Variants in PDE10A observed in about 807,000 individuals in gnomAD.
PDE10A encodes cAMP and cAMP-inhibited cGMP 3',5'-cyclic phosphodiesterase 10A.
PDE10A carries 39 observed loss-of-function variants against 97.7 expected under a neutral mutation model. The observed-to-expected ratio is 0.40, with a 90% CI of 0.31 to 0.52. PDE10A has a LOEUF of 0.52. Ranked by LOEUF, PDE10A falls within the 20% of genes least tolerant of loss-of-function variation. PDE10A has a pLI of 0.56. For missense variants in PDE10A, 731 were observed against 1,047.8 expected (o/e 0.70, Z 4.17); for synonymous variants, 371 against 376.8 (o/e 0.98, Z 0.18).
chr6:165,334,404 G>A (rs536667109), intron 21 of PDE10A, among the ~76,000 whole-genome samples: 75 of 148,348 alleles, frequency 5.1e-4, no homozygotes, highest in African/African-American at 1.6e-3. Flanking sequence ...CCTCCATAGC[G>A]CCCTACAGCG....
chr6:165,396,035 G>C (rs963253225), intron 14 of PDE10A, among the ~76,000 whole-genome samples: 3 of 152,094 alleles, frequency 2.0e-5, no homozygotes, highest in African/African-American at 4.8e-5. Flanking sequence ...ATATTAAATG[G>C]TATAAAGTAT....
At chr6:165,371,418 T>C (rs1331291199) in intron 18 of PDE10A, among the ~76,000 whole-genome samples, 5 of 152,124 alleles carry the variant, frequency 3.3e-5, no homozygotes, top group Non-Finnish European at 5.9e-5. Flanking sequence ...CCCACAGAAA[T>C]ACAAACTACC....
At chr6:165,709,318 A>C (rs577904135) in intron 1 of PDE10A, among the ~76,000 whole-genome samples, 85 of 31,452 alleles carry the variant, frequency 2.7e-3, no homozygotes, top group South Asian at 4.7e-3. Flanking sequence ...CTCTCCCCCC[A>C]CTCCACCGCT....
In PDE10A at chr6:165,740,107, G is replaced by A. The variant is rs74906139; in HGVS notation, c.-614-196539C>T. Among the ~76,000 whole-genome samples the A allele has an allele frequency of 6.0e-3, 913 of 152,204 alleles. 6 individuals are homozygous for A. The highest frequency in any genetic ancestry group is 0.021 in the African/African-American group (867 of 41,510). ...TATGACCTGGCAATTCTACTGTTGG[G>A]TATACAAATCCGAAGGACATAAAAT... On this transcript the variant is annotated intron_variant, in intron 1 of 19. Transcript: ENST00000366882.
intron 1 of PDE10A, among the ~76,000 whole-genome samples, chr6:165,622,303 T>C (rs1450859215): frequency 6.6e-6 from 1 of 151,346 alleles, no homozygotes; most frequent in African/African-American, 2.5e-5. Flanking sequence ...TGTATGTGCA[T>C]GCGTGTGTGT....
intron 1 of PDE10A, among the ~76,000 whole-genome samples, chr6:165,972,066 G>C (rs926538609): frequency 1.3e-5 from 2 of 152,092 alleles, no homozygotes; most frequent in Non-Finnish European, 2.9e-5. Flanking sequence ...AAAGGTACAC[G>C]CTGTAACAAA....
At position 165,493,218 on chromosome 6, in the gene PDE10A, C is replaced by T. The variant is rs562734514; in HGVS notation, c.995-10875G>A. The stretch of plus-strand genomic sequence containing the variant: ...AACAAATGGAAACACATCCCATGCT[C>T]ATGGATGGGTAGAATCAATACTGTG... On this transcript the variant is annotated intron_variant, in intron 2 of 21. Coordinates refer to ENST00000539869, the MANE Select transcript of PDE10A (RefSeq NM_001385079.1). 6.6e-5 allele frequency among the ~76,000 whole-genome samples: 10 copies of T among 152,294 alleles called. No individual in the cohort carries two copies. In the South Asian group the frequency reaches 1.4e-3, roughly 22 times the overall value.
chr6:165,500,519 TA>T (rs1780807459), intron 2 of PDE10A, among the ~76,000 whole-genome samples: 1 of 152,152 alleles, frequency 6.6e-6, no homozygotes, highest in Non-Finnish European at 1.5e-5. Flanking sequence ...GTATGCTTGT[TA>T]AAAGTCATCA....
At chr6:165,345,929 G>A (rs553326560) in intron 18 of PDE10A, among the ~76,000 whole-genome samples, 2 of 152,248 alleles carry the variant, frequency 1.3e-5, no homozygotes, top group East Asian at 1.9e-4. Context: ...TGGGAGGAAG[G>A]TCCAGCAGAG....
At chr6:165,792,655 T>G (rs1019758027) in intron 1 of PDE10A, among the ~76,000 whole-genome samples, 7 of 152,086 alleles carry the variant, frequency 4.6e-5, no homozygotes, top group African/African-American at 1.7e-4. Context: ...GTGCCTTGAA[T>G]GCGGTCCCGA....
chr6:165,448,900 G>T (rs201870889), intron 5 of PDE10A, 28 bp downstream of exon 5: 12 of 1,477,922 alleles, frequency 8.1e-6, no homozygotes, highest in Non-Finnish European at 1.1e-5. Flanking sequence ...CTTATCTAGA[G>T]CACCAAAATC....
At chr6:165,606,688 T>C (rs828567) in intron 1 of PDE10A, among the ~76,000 whole-genome samples, 46,320 of 151,874 alleles carry the variant, frequency 0.3, 8,120 homozygotes, top group African/African-American at 0.49. Context: ...GTACCAGGTA[T>C]AGCAAGTAGG....
At chr6:165,764,373 G>A (rs1302722650) in intron 1 of PDE10A, among the ~76,000 whole-genome samples, 1 of 152,162 alleles carries the variant, frequency 6.6e-6, no homozygotes, top group Admixed American at 6.5e-5. Context: ...TTAAAAATCT[G>A]TTTGCAAAAA....
At chr6:165,656,389 G>A (rs143586626) in intron 1 of PDE10A, among the ~76,000 whole-genome samples, 1 of 151,180 alleles carries the variant, frequency 6.6e-6, no homozygotes, top group Non-Finnish European at 1.5e-5. Context: ...CCTCCTGCTT[G>A]TATCTCTCCC....
chr6:165,733,194 A>G (rs973834176), intron 1 of PDE10A, among the ~76,000 whole-genome samples: 3 of 152,184 alleles, frequency 2.0e-5, no homozygotes. Flanking sequence ...CTCCCTAGCC[A>G]TGTTCCACCC....
rs186959720 is a variant in PDE10A at position 165,494,374 on chromosome 6, T to C, written c.995-12031A>G. Among the ~76,000 whole-genome samples, 9 of 151,636 alleles carry C rather than the reference T, an allele frequency of 5.9e-5. No individual in the cohort carries two copies. The East Asian group carries it at 1.8e-3, about 30-fold the overall frequency. ...GAAAAAAGATACTTGCACATGCATGTTTATAGCAGCACCATTTACAGTTGC... is the reference window on the plus strand; with the variant it reads ...GAAAAAAGATACTTGCACATGCATGCTTATAGCAGCACCATTTACAGTTGC... On this transcript the variant is annotated intron_variant, in intron 2 of 21. Coordinates refer to ENST00000539869, the MANE Select transcript of PDE10A (RefSeq NM_001385079.1).
intron 6 of PDE10A, among the ~76,000 whole-genome samples, chr6:165,433,914 G>A (rs1004849110): frequency 6.6e-6 from 1 of 151,200 alleles, no homozygotes; most frequent in Non-Finnish European, 1.5e-5. Flanking sequence ...CTATTCGGGA[G>A]CCTGAGGCAG....
In PDE10A at chr6:165,663,147, G is replaced by A. The variant is rs1470695485; in HGVS notation, c.-336C>T. On this transcript the variant is annotated 5_prime_UTR_variant, in exon 1 of 22. Transcript: ENST00000539869. ...GTGGTGTGTGCGCGCTCCGGCGGCTGAGCCTCGGCGGCTTCTCGAAAGCAG... is the reference window on the plus strand; with the variant it reads ...GTGGTGTGTGCGCGCTCCGGCGGCTAAGCCTCGGCGGCTTCTCGAAAGCAG... 6.6e-6 allele frequency among the ~76,000 whole-genome samples: 1 copy of A among 151,892 alleles called. No individual in the cohort carries two copies. The highest frequency in any genetic ancestry group is 1.5e-5 in the Non-Finnish European group (1 of 67,938).
At chr6:165,337,536 A>C (rs775046059) in intron 20 of PDE10A, among the ~76,000 whole-genome samples, 1 of 152,232 alleles carries the variant, frequency 6.6e-6, no homozygotes, top group Non-Finnish European at 1.5e-5. Flanking sequence ...TATTTAACAG[A>C]TGTCATGGGG....
Sources: allele counts gnomAD v4.1 joint callset (sites outside exome capture counted in the v4.1 genomes callset), GRCh38; gene constraint gnomAD v4.1.1; transcripts MANE v1.5; gene names NCBI Gene and HGNC (gene_info 2026-07-23, HGNC 2026-07-21).